The following EPHA3 variants were observed in gnomAD, a reference collection of about 807,000 sequenced individuals.
The protein encoded by EPHA3 is EPH receptor A3, also known as ephrin type-A receptor 3.
A neutral mutation model predicts 107.1 loss-of-function variants in EPHA3; 42 were observed. The ratio of observed to expected loss-of-function variants is 0.39; its 90% CI spans 0.31 to 0.51. The LOEUF (loss-of-function observed/expected upper bound fraction) is 0.51, where lower values mean the gene tolerates loss of function less well. Among genes scored for constraint, EPHA3 ranks in the 20% least tolerant of loss-of-function variants. The probability of loss-of-function intolerance (pLI) is 0.78; values close to 1 mark genes in which losing one functional copy is unlikely to be tolerated. For missense variants in EPHA3, 1,183 were observed against 1,211.2 expected, an observed-to-expected ratio of 0.98 and a Z score of 0.35; for synonymous variants, 461 against 424.8, an observed-to-expected ratio of 1.09 and a Z score of -1.05.
intron 3 of EPHA3, among the ~76,000 whole-genome samples, chr3:89,283,858 A>G (rs1706007670): frequency 6.6e-6 from 1 of 152,094 alleles, no homozygotes; most frequent in East Asian, 1.9e-4. Context: ...AATTAAACAA[A>G]TGGAATATGT....
intron 5 of EPHA3, among the ~76,000 whole-genome samples, chr3:89,381,357 C>T (rs1230300865): frequency 6.6e-6 from 1 of 151,984 alleles, no homozygotes; most frequent in African/African-American, 2.4e-5. Flanking sequence ...TTTCTGTCCC[C>T]TCCACATTTA....
chr3:89,236,594 G>GT (rs66493015), intron 3 of EPHA3, among the ~76,000 whole-genome samples: 3 of 29,190 alleles, frequency 1.0e-4, no homozygotes, highest in African/African-American at 7.9e-4. Context: ...GGTGGGGGGA[G>GT]GGGGGAGGGA....
In EPHA3 at chr3:89,117,056, G is replaced by T. The variant is rs1227395435; in HGVS notation, c.88+9220G>T. On this transcript the variant is annotated intron_variant, in intron 1 of 16. Transcript: ENST00000336596. The stretch of plus-strand genomic sequence containing the variant: ...ACATCTTGACTGATTACATAGCAGG[G>T]CCTCAAAAGGGACTTAAGCAAATAG... 1.3e-5 allele frequency among the ~76,000 whole-genome samples: 2 copies of T among 152,146 alleles called. 1 individual carries two copies. Among genetic ancestry groups the T allele is most frequent in the African/African-American group, 4.8e-5 (2 of 41,518 alleles).
intron 3 of EPHA3, among the ~76,000 whole-genome samples, chr3:89,282,659 A>C (rs1705976867): frequency 6.6e-6 from 1 of 152,012 alleles, no homozygotes; most frequent in Non-Finnish European, 1.5e-5. Flanking sequence ...TTCTTAAAAG[A>C]TTTACAATCA....
intron 3 of EPHA3, among the ~76,000 whole-genome samples, chr3:89,212,724 A>T (rs1704132728): frequency 6.6e-6 from 1 of 152,040 alleles, no homozygotes; most frequent in African/African-American, 2.4e-5. Flanking sequence ...GCCAGATAGC[A>T]GAAGGTTACT....
chr3:89,296,785 A>T (rs1350260414), intron 3 of EPHA3, among the ~76,000 whole-genome samples: 2 of 152,194 alleles, frequency 1.3e-5, no homozygotes, highest in African/African-American at 4.8e-5. Context: ...TTCAAATATA[A>T]GACTATTTTG....
At chr3:89,134,962 T>A (rs1019766534) in intron 2 of EPHA3, among the ~76,000 whole-genome samples, 1 of 152,216 alleles carries the variant, frequency 6.6e-6, no homozygotes, top group Non-Finnish European at 1.5e-5. Context: ...TAAAATGATG[T>A]ATAACATATT....
At chr3:89,441,774 A>C (rs1709790964) in intron 13 of EPHA3, among the ~76,000 whole-genome samples, 1 of 152,198 alleles carries the variant, frequency 6.6e-6, no homozygotes, top group South Asian at 2.1e-4. Flanking sequence ...TACTTGTAGG[A>C]AACTTAGACT....
In EPHA3 at chr3:89,341,796, G is replaced by A. The variant is rs1279441414; in HGVS notation, c.1012G>A (p.Glu338Lys). 2.5e-6 allele frequency: 4 copies of A among 1,613,594 alleles called. No individual in the cohort carries two copies. Among genetic ancestry groups the A allele is most frequent in the Middle Eastern group, 1.6e-4 (1 of 6,082 alleles). The change falls in exon 5 of 17, where the codon GAG becomes AAG. Residue 338 changes from glutamate to lysine, a missense_variant. Transcript: ENST00000336596. ...AAGAAATGTTATCTCTAATATAAAC[G>A]AGACCTCAGTTATCCTGGACTGGAG... ...SPRNVISNIN[E>K]TSVILDWSWP...
chr3:89,386,971 G>T (rs901518658), intron 5 of EPHA3, among the ~76,000 whole-genome samples: 4 of 152,130 alleles, frequency 2.6e-5, no homozygotes, highest in African/African-American at 9.7e-5. Context: ...GCCAATGGCC[G>T]TACCCTCATC....
intron 2 of EPHA3, among the ~76,000 whole-genome samples, chr3:89,206,884 T>C (rs1300000381): frequency 6.6e-6 from 1 of 152,170 alleles, no homozygotes; most frequent in East Asian, 1.9e-4. Context: ...ATGTATCTTG[T>C]ATATTACTTC....
At chr3:89,315,522 AT>A (rs1021882257) in intron 3 of EPHA3, among the ~76,000 whole-genome samples, 6 of 151,604 alleles carry the variant, frequency 4.0e-5, no homozygotes, top group African/African-American at 1.5e-4. Context: ...ACATTTAATC[AT>A]TTTTTAGGAG....
At chr3:89,471,188 C>T (rs1440982120) in intron 15 of EPHA3, among the ~76,000 whole-genome samples, 1 of 147,432 alleles carries the variant, frequency 6.8e-6, no homozygotes, top group African/African-American at 2.5e-5. Context: ...AAAAAAAAAA[C>T]ACACCAAAGA....
At chr3:89,255,960 A>T (rs1250546163) in intron 3 of EPHA3, among the ~76,000 whole-genome samples, 1 of 152,078 alleles carries the variant, frequency 6.6e-6, no homozygotes, top group Admixed American at 6.6e-5. Context: ...GCGGTGGCTT[A>T]CACCTGTCTG....
At chr3:89,479,183 A>G (rs1378795275) in intron 16 of EPHA3, among the ~76,000 whole-genome samples, 1 of 152,146 alleles carries the variant, frequency 6.6e-6, no homozygotes, top group Non-Finnish European at 1.5e-5. Context: ...GGATTGACAG[A>G]GATTTTGGGG....
At chr3:89,434,085 A>T (rs1156498236) in intron 13 of EPHA3, among the ~76,000 whole-genome samples, 1 of 152,220 alleles carries the variant, frequency 6.6e-6, no homozygotes, top group Non-Finnish European at 1.5e-5. Context: ...GTGTTACAAC[A>T]ATCATATTAT....
chr3:89,447,189 A>T (rs1709892495), intron 13 of EPHA3, among the ~76,000 whole-genome samples: 1 of 152,152 alleles, frequency 6.6e-6, no homozygotes, highest in Non-Finnish European at 1.5e-5. Context: ...ACTGTAGTTT[A>T]TCTCCCTAAC....
chr3:89,194,907 A>G (rs1431503680), intron 2 of EPHA3, among the ~76,000 whole-genome samples: 1 of 152,106 alleles, frequency 6.6e-6, no homozygotes, highest in African/African-American at 2.4e-5. Flanking sequence ...ACATTTCAAT[A>G]TGGATGTTGG....
chr3:89,360,400 C>G (rs867231364), intron 5 of EPHA3, among the ~76,000 whole-genome samples: 13 of 151,114 alleles, frequency 8.6e-5, no homozygotes, highest in Middle Eastern at 3.4e-3. Context: ...TGATTCCTAT[C>G]AACACTACCT....
Sources: allele counts gnomAD v4.1 joint callset (sites outside exome capture counted in the v4.1 genomes callset), GRCh38; gene constraint gnomAD v4.1.1; transcripts MANE v1.5; gene names NCBI Gene and HGNC (gene_info 2026-07-23, HGNC 2026-07-21).